Variants in ORC5 observed in about 807,000 individuals in gnomAD.
ORC5 encodes origin recognition complex subunit 5.
A neutral mutation model predicts 58.8 loss-of-function variants in ORC5; 39 were observed. The ratio of observed to expected loss-of-function variants is 0.66; its 90% CI spans 0.51 to 0.87. The LOEUF (loss-of-function observed/expected upper bound fraction) is 0.87. ORC5 is among the 40% of genes least tolerant of loss of function. ORC5 has a pLI of 0.00. For missense variants in ORC5, 493 were observed against 506.3 expected (o/e 0.97, Z 0.25); for synonymous variants, 218 against 177.6 (o/e 1.23, Z -1.81).
chr7:104,177,819 G>A lies in ORC5; in HGVS notation c.824+6124C>T, dbSNP rs952461083. 2.0e-5 allele frequency among the ~76,000 whole-genome samples: 3 copies of A among 152,280 alleles called. No homozygotes were observed. The South Asian group carries it at 6.2e-4, about 32-fold the overall frequency. ...CGTCCACTTAGAGTGAGAACATGCA[G>A]TGTTTGGTTTTCTGTTCCTATGTTA... On this transcript the variant is annotated intron_variant, in intron 8 of 13. Coordinates refer to ENST00000297431, the MANE Select transcript of ORC5 (RefSeq NM_002553.4).
At chr7:104,189,564 G>C (rs1367307505) in intron 5 of ORC5, among the ~76,000 whole-genome samples, 1 of 152,046 alleles carries the variant, frequency 6.6e-6, no homozygotes, top group Non-Finnish European at 1.5e-5. Context: ...CATGACCAAT[G>C]ACCAATGATT....
intron 5 of ORC5, 27 bp downstream of exon 5, chr7:104,195,116 T>C (rs201223609): frequency 1.7e-6 from 2 of 1,194,104 alleles, no homozygotes; most frequent in Non-Finnish European, 2.4e-6. Flanking sequence ...TGCATATCAT[T>C]TGCCAAAACA....
At position 104,129,026 on chromosome 7, in the gene ORC5, C is replaced by G. The variant is rs569937858; in HGVS notation, c.1263-2133G>C. Among the ~76,000 whole-genome samples the G allele has an allele frequency of 2.6e-5, 4 of 151,430 alleles. No homozygotes were observed. In the South Asian group the frequency reaches 8.3e-4, roughly 32 times the overall value. On this transcript the variant is annotated intron_variant, in intron 13 of 13. Transcript: ENST00000297431. This position sits in a 1 kb window ranked among gnomAD's most constrained non-coding sequence, Gnocchi z 4.9. ...TTTGATGAAATATTATACAGCCATACAAAATGATCAATATGAAGATATACC... is the reference window on the plus strand; with the variant it reads ...TTTGATGAAATATTATACAGCCATAGAAAATGATCAATATGAAGATATACC...
At chr7:104,155,639 A>G (rs931776805) in intron 12 of ORC5, among the ~76,000 whole-genome samples, 8 of 151,602 alleles carry the variant, frequency 5.3e-5, no homozygotes, top group Non-Finnish European at 1.2e-4. Flanking sequence ...GTCACTTTAG[A>G]AACCTATACC....
intron 8 of ORC5, among the ~76,000 whole-genome samples, chr7:104,171,889 T>A (rs1799218666): frequency 6.6e-6 from 1 of 152,098 alleles, no homozygotes; most frequent in Admixed American, 6.5e-5. Context: ...AAATGTCACT[T>A]TGATTCTCCA....
chr7:104,162,949 T>C (rs1438874227), intron 11 of ORC5, among the ~76,000 whole-genome samples: 1 of 152,228 alleles, frequency 6.6e-6, no homozygotes, highest in Non-Finnish European at 1.5e-5. Context: ...ATAAATGATA[T>C]CATTTGGAAC....
At chr7:104,153,756 C>G in intron 12 of ORC5, among the ~76,000 whole-genome samples, 1 of 151,894 alleles carries the variant, frequency 6.6e-6, no homozygotes, top group Non-Finnish European at 1.5e-5. Flanking sequence ...AAGATAATGC[C>G]CACACTCAAA....
At chr7:104,144,012 G>C (rs1471645722) in intron 12 of ORC5, among the ~76,000 whole-genome samples, 1 of 152,042 alleles carries the variant, frequency 6.6e-6, no homozygotes, top group Non-Finnish European at 1.5e-5. Flanking sequence ...CCAGCTACTT[G>C]GGAGGTTGAG....
chr7:104,183,806 T>A (rs546913236), intron 8 of ORC5, 137 bp downstream of exon 8: 1 of 613,396 alleles, frequency 1.6e-6, no homozygotes, highest in African/African-American at 1.9e-5. Context: ...CTACAGCATG[T>A]GCTTTCCCAT....
At position 104,183,996 on chromosome 7, in the gene ORC5, A is replaced by C. The variant is rs1458763857; in HGVS notation, c.771T>G (p.Ile257Met). Residue 257 changes from isoleucine to methionine, a missense_variant, in exon 8 of 14, where the codon ATT (isoleucine) becomes ATG (methionine). This residue lies in a region of ORC5 where 412 missense variants were observed against 403.7 expected (regional missense o/e 1.02). Transcript: ENST00000297431. ...ERDTRKLWRN[I>M]EPHLKKAMQT... ...GCATAGCTTTCTTCAAATGAGGTTCAATATTTCTCCACAGTTTGCGAGTAT... is the reference window on the plus strand; with the variant it reads ...GCATAGCTTTCTTCAAATGAGGTTCCATATTTCTCCACAGTTTGCGAGTAT... 6.2e-7 allele frequency: 1 copy of C among 1,613,782 alleles called. No homozygotes were observed. The highest frequency in any genetic ancestry group is 8.5e-7 in the Non-Finnish European group (1 of 1,179,862).
At chr7:104,195,058 C>A in intron 5 of ORC5, 85 bp downstream of exon 5, 1 of 658,458 alleles carries the variant, frequency 1.5e-6, no homozygotes, top group Admixed American at 3.2e-5. Flanking sequence ...AAAGTATTCC[C>A]ATTTGAATAT....
intron 5 of ORC5, among the ~76,000 whole-genome samples, chr7:104,189,924 C>T (rs1799636464): frequency 6.6e-6 from 1 of 152,126 alleles, no homozygotes; most frequent in Non-Finnish European, 1.5e-5. Flanking sequence ...AGAATGGTGT[C>T]TGAAATGCTA....
intron 6 of ORC5, among the ~76,000 whole-genome samples, chr7:104,187,118 C>A (rs951804820): frequency 9.2e-5 from 14 of 152,070 alleles, no homozygotes; most frequent in South Asian, 2.1e-4. Context: ...CAGGAAAGAC[C>A]GAGGAGGATT....
In ORC5 at chr7:104,165,628, G is replaced by T. The variant is rs1799094728; in HGVS notation, c.991-346C>A. 10 of 187,638 alleles carry T rather than the reference G, an allele frequency of 5.3e-5. No homozygotes were observed. In the South Asian group the frequency reaches 1.2e-3, roughly 23 times the overall value. 11.6% of individuals were successfully genotyped at this position (187,638 alleles called of 1,614,324 possible). Reference sequence around the variant, plus strand: ...ATATGGATTTTTATTCATCCCATAAGTCTGGCAATCCACATAATAAACGCT... The same window carrying T: ...ATATGGATTTTTATTCATCCCATAATTCTGGCAATCCACATAATAAACGCT... On this transcript the variant is annotated intron_variant, in intron 10 of 13. Transcript: ENST00000297431.
At chr7:104,165,386 T>C (rs1799091035) in intron 10 of ORC5, 104 bp from the exon 11 acceptor site, 1 of 651,148 alleles carries the variant, frequency 1.5e-6, no homozygotes, top group Non-Finnish European at 2.7e-6. Context: ...AATCTGTATA[T>C]CTCAGGTTTT....
chr7:104,152,521 T>A (rs544103563), intron 12 of ORC5, among the ~76,000 whole-genome samples: 2 of 152,200 alleles, frequency 1.3e-5, no homozygotes, highest in African/African-American at 4.8e-5. Context: ...TCTGTTCTTA[T>A]TAAAACTCTT....
chr7:104,201,942 TAGAC>T (rs1169570951), intron 2 of ORC5, among the ~76,000 whole-genome samples: 1 of 151,748 alleles, frequency 6.6e-6, no homozygotes, highest in African/African-American at 2.4e-5. Context: ...TAAAAAAAAT[TAGAC>T]AGGCCTGGTG....
In ORC5 at chr7:104,200,906, A is replaced by C; in HGVS notation, c.218T>G (p.Leu73Trp). Residue 73 changes from leucine to tryptophan, a missense_variant, in exon 3 of 14, where the codon TTG becomes TGG. Leu to Trp is a moderately conservative substitution (Grantham distance 61). Coordinates refer to ENST00000297431, the MANE Select transcript of ORC5 (RefSeq NM_002553.4). ...CVECFTLRLLLEQILNKLNHL... is the reference protein window; with the variant it reads ...CVECFTLRLLWEQILNKLNHL... ...ATTCAATTTGTTTAAAATTTGTTCC[A>C]AAAGCAGCCTCAATGTAAAGCATTC... The C allele has an allele frequency of 6.2e-7, 1 of 1,613,774 alleles. No homozygotes were observed. Among genetic ancestry groups the C allele is most frequent in the Non-Finnish European group, 8.5e-7 (1 of 1,179,720 alleles).
At chr7:104,157,292 A>G (rs998728192) in intron 12 of ORC5, among the ~76,000 whole-genome samples, 1 of 151,976 alleles carries the variant, frequency 6.6e-6, no homozygotes, top group African/African-American at 2.4e-5. Context: ...ACTCCTTAGA[A>G]CTAGTTGCAT....
Sources: allele counts gnomAD v4.1 joint callset (sites outside exome capture counted in the v4.1 genomes callset), GRCh38; gene constraint gnomAD v4.1.1; regional missense constraint gnomAD v4.1.1; non-coding constraint Gnocchi (gnomAD v3.1); transcripts MANE v1.5; gene names NCBI Gene and HGNC (gene_info 2026-07-23, HGNC 2026-07-21).